Variants in CELF2 observed in about 807,000 individuals in gnomAD.
CELF2 encodes the protein CUG triplet repeat RNA-binding protein 2.
Under a neutral mutation model 62.6 loss-of-function variants are expected in CELF2, and 8 were observed. The observed-to-expected ratio is 0.13, with a 90% CI of 0.07 to 0.23. CELF2 has a LOEUF of 0.23. Among genes scored for constraint, CELF2 ranks in the 10% least tolerant of loss-of-function variants. CELF2 has a pLI of 1.00. For missense variants in CELF2, 333 were observed against 671.0 expected (o/e 0.50, Z 5.56); for synonymous variants, 258 against 250.0 (o/e 1.03, Z -0.30).
At chr10:10,950,714 T>G (rs2048225786) in intron 2 of CELF2, among the ~76,000 whole-genome samples, 1 of 152,248 alleles carries the variant, frequency 6.6e-6, no homozygotes, top group Admixed American at 6.5e-5. Flanking sequence ...ATTGCAACTT[T>G]CCTGATTAAA....
chr10:11,120,728 C>T (rs1430888469), intron 1 of CELF2, among the ~76,000 whole-genome samples: 1 of 152,170 alleles, frequency 6.6e-6, no homozygotes, highest in Non-Finnish European at 1.5e-5. Context: ...CTTCCCCACC[C>T]CTCACCAGCC....
intron 7 of CELF2, among the ~76,000 whole-genome samples, chr10:11,274,189 A>C (rs1342865123): frequency 1.3e-5 from 2 of 152,214 alleles, no homozygotes; most frequent in African/African-American, 4.8e-5. Flanking sequence ...CCACACTGCT[A>C]ACTGCATCTG....
At chr10:11,229,395 C>T (rs1028407714) in intron 3 of CELF2, among the ~76,000 whole-genome samples, 3 of 147,516 alleles carry the variant, frequency 2.0e-5, no homozygotes, top group Admixed American at 1.3e-4. Flanking sequence ...ATGATATGTG[C>T]AGTAGATGAA....
chr10:10,781,133 G>T, the CELF2 span, among the ~76,000 whole-genome samples: 1 of 152,212 alleles, frequency 6.6e-6, no homozygotes, highest in Non-Finnish European at 1.5e-5. Flanking sequence ...CACTGAAAGA[G>T]AACAAATAGT....
intron 2 of CELF2, among the ~76,000 whole-genome samples, chr10:11,183,153 A>G (rs557419765): frequency 3.3e-5 from 5 of 152,298 alleles, no homozygotes; most frequent in South Asian, 4.1e-4. Flanking sequence ...CCATGCCTCA[A>G]TTACTGACCT....
At chr10:11,030,294 A>G (rs2059889146) in intron 1 of CELF2, 1 of 152,274 alleles carries the variant, frequency 6.6e-6, no homozygotes, top group African/African-American at 2.4e-5. Flanking sequence ...AATTTCCTCA[A>G]TAATTTGTGT....
intron 1 of CELF2, among the ~76,000 whole-genome samples, chr10:10,833,089 C>G (rs1307211982): frequency 6.7e-6 from 1 of 149,382 alleles, no homozygotes; most frequent in African/African-American, 2.5e-5. Flanking sequence ...AAAAATTTAG[C>G]AAAAAGAAAG....
At chr10:10,698,165 G>A in the CELF2 span, among the ~76,000 whole-genome samples, 2 of 152,144 alleles carry the variant, frequency 1.3e-5, no homozygotes, top group Admixed American at 6.5e-5. Context: ...AGTTTATTTC[G>A]TAGATCCTAA....
intron 1 of CELF2, among the ~76,000 whole-genome samples, chr10:11,054,574 C>G (rs1411141439): frequency 1.3e-5 from 2 of 151,618 alleles, no homozygotes; most frequent in Non-Finnish European, 2.9e-5. Context: ...TTGACCTTGT[C>G]TTTATCTCAT....
the CELF2 span, among the ~76,000 whole-genome samples, chr10:10,555,675 T>A: frequency 2.2e-4 from 33 of 152,340 alleles, 2 homozygotes; most frequent in East Asian, 5.8e-3. Context: ...TTTAGGACAT[T>A]GAACAAGTTG....
the CELF2 span, among the ~76,000 whole-genome samples, chr10:10,675,446 G>C: frequency 6.6e-6 from 1 of 152,144 alleles, no homozygotes; most frequent in Admixed American, 6.6e-5. Context: ...GAAAATGAAA[G>C]GCCTAGGTGT....
upstream of CELF2, chr10:11,017,785 C>T: frequency 4.8e-6 from 1 of 209,458 alleles, no homozygotes; most frequent in Non-Finnish European, 8.3e-6. This position sits in a 1 kb window ranked among gnomAD's most constrained non-coding sequence, Gnocchi z 5.5. Flanking sequence ...CGCCCTGTGT[C>T]CCCGCGGGGC....
the CELF2 span, among the ~76,000 whole-genome samples, chr10:10,528,475 T>C: frequency 6.6e-6 from 1 of 152,216 alleles, no homozygotes; most frequent in Non-Finnish European, 1.5e-5. Flanking sequence ...AGAGAACTGC[T>C]TCTTGAACCT....
chr10:10,565,947 G>A, the CELF2 span, among the ~76,000 whole-genome samples: 1 of 152,148 alleles, frequency 6.6e-6, no homozygotes, highest in Non-Finnish European at 1.5e-5. Context: ...TTAGTTAGCA[G>A]AAATTAAACA....
the CELF2 span, among the ~76,000 whole-genome samples, chr10:10,573,426 T>C: frequency 6.6e-6 from 1 of 152,068 alleles, no homozygotes. Flanking sequence ...TTTGCCTTTA[T>C]AGAAGAGTTT....
At chr10:10,561,833 G>A in the CELF2 span, among the ~76,000 whole-genome samples, 5 of 152,294 alleles carry the variant, frequency 3.3e-5, no homozygotes, top group African/African-American at 9.6e-5. Flanking sequence ...TGGCAGCAGC[G>A]TCAGTAGAGA....
chr10:10,614,661 G>T, the CELF2 span, among the ~76,000 whole-genome samples: 1 of 152,144 alleles, frequency 6.6e-6, no homozygotes, highest in Admixed American at 6.5e-5. Context: ...CCTGTTGACA[G>T]GGAGAGAGAT....
At chr10:11,059,947 A>G (rs2066316018) in intron 1 of CELF2, among the ~76,000 whole-genome samples, 1 of 152,252 alleles carries the variant, frequency 6.6e-6, no homozygotes. Flanking sequence ...TAGATGCTCA[A>G]AAGCCGTTGA....
chr10:10,466,704 C>T, the CELF2 span, among the ~76,000 whole-genome samples: 1 of 152,066 alleles, frequency 6.6e-6, no homozygotes, highest in Non-Finnish European at 1.5e-5. Flanking sequence ...GTATCTTTGC[C>T]AACATTTTGT....
Sources: gnomAD v4.1 joint callset for allele counts (sites outside exome capture counted in the v4.1 genomes callset) on GRCh38, gnomAD v4.1.1 for gene constraint, Gnocchi (gnomAD v3.1) non-coding constraint, MANE v1.5 for transcripts, NCBI Gene and HGNC (gene_info 2026-07-23, HGNC 2026-07-21) for gene names.